Variants in CRCP observed in about 807,000 individuals in gnomAD.
The protein encoded by CRCP is CGRP receptor component.
CRCP carries 18 observed loss-of-function variants against 18.5 expected under a neutral mutation model. The observed-to-expected ratio is 0.97, with a 90% CI of 0.67 to 1.44. The LOEUF is 1.44. CRCP is among the 40% of genes most tolerant of loss of function. The pLI is 0.00. For synonymous variants in CRCP, 53 were observed against 62.9 expected (o/e 0.84, Z 0.75); for missense variants, 130 against 176.4 (o/e 0.74, Z 1.49).
chr7:66,115,792 A>G (rs1327665269), intron 1 of CRCP, among the ~76,000 whole-genome samples: 2 of 152,014 alleles, frequency 1.3e-5, no homozygotes, highest in Non-Finnish European at 1.5e-5. Context: ...ATGGCATTTC[A>G]CATTTTTACA....
intron 5 of CRCP, among the ~76,000 whole-genome samples, chr7:66,149,664 G>T (rs908915): frequency 0.64 from 97,785 of 151,898 alleles, 31,919 homozygotes; most frequent in African/African-American, 0.74. Context: ...TCAACCTAAG[G>T]TTCCCAGTCA....
intron 4 of CRCP, 171 bp downstream of exon 4, chr7:66,134,545 CTT>C (rs56013238): frequency 0.091 from 26,307 of 289,208 alleles, 79 homozygotes; most frequent in East Asian, 0.18. Flanking sequence ...AGGAACAAAT[CTT>C]TTTTTTTTTT....
intron 1 of CRCP, among the ~76,000 whole-genome samples, chr7:66,127,328 T>C (rs1787644552): frequency 6.6e-6 from 1 of 152,212 alleles, no homozygotes; most frequent in African/African-American, 2.4e-5. Context: ...CCTGGGAGCA[T>C]GGCAGATATT....
At chr7:66,116,694 T>G (rs1331772131) in intron 1 of CRCP, among the ~76,000 whole-genome samples, 1 of 152,074 alleles carries the variant, frequency 6.6e-6, no homozygotes, top group African/African-American at 2.4e-5. Context: ...CGTCCCCACA[T>G]ACATGTCCCC....
intron 1 of CRCP, among the ~76,000 whole-genome samples, chr7:66,125,510 C>T (rs976462576): frequency 1.1e-4 from 16 of 149,390 alleles, no homozygotes; most frequent in Admixed American, 1.1e-3. Context: ...TTCTGTCAGC[C>T]AGAGTCTGTT....
At position 66,122,670 on chromosome 7, in the gene CRCP, T is replaced by C. The variant is rs140492718; in HGVS notation, c.9-5034T>C. 4.6e-5 allele frequency among the ~76,000 whole-genome samples: 7 copies of C among 152,260 alleles called. No homozygotes were observed. The East Asian group carries it at 1.4e-3, about 29-fold the overall frequency. Reference sequence around the variant, plus strand: ...TTTTTTTACTCAAGCATTGCTATGTTAATTTGCCAGGCTGCTTTTAGAAAG... The same window carrying C: ...TTTTTTTACTCAAGCATTGCTATGTCAATTTGCCAGGCTGCTTTTAGAAAG... On this transcript the variant is annotated intron_variant, in intron 1 of 5. Transcript: ENST00000395326.
chr7:66,129,792 C>T (rs530825478), intron 2 of CRCP, among the ~76,000 whole-genome samples: 1 of 152,136 alleles, frequency 6.6e-6, no homozygotes, highest in Admixed American at 6.5e-5. Context: ...TGATCTCATG[C>T]CACTATTTCT....
chr7:66,115,085 G>A, intron 1 of CRCP, 115 bp downstream of exon 1: 1 of 1,475,988 alleles, frequency 6.8e-7, no homozygotes, highest in South Asian at 1.3e-5. Context: ...AGTGAGGGCA[G>A]CGGGCCGGCC....
chr7:66,132,752 T>A (rs1787846162), intron 3 of CRCP, among the ~76,000 whole-genome samples: 1 of 151,318 alleles, frequency 6.6e-6, no homozygotes, highest in East Asian at 1.9e-4. Context: ...AAAGAAAAAA[T>A]ACAAAAAATT....
intron 4 of CRCP, among the ~76,000 whole-genome samples, chr7:66,135,341 C>T (rs1193447915): frequency 1.3e-5 from 2 of 152,088 alleles, no homozygotes; most frequent in Non-Finnish European, 1.5e-5. Context: ...TTAAATGTCA[C>T]GAGCTGATCT....
intron 1 of CRCP, chr7:66,120,786 ACG>A (rs1195593552): frequency 9.9e-5 from 15 of 152,068 alleles, no homozygotes; most frequent in Non-Finnish European, 1.6e-4. Flanking sequence ...GAATATACCC[ACG>A]TATGTGGAGA....
At chr7:66,128,911 G>A (rs1286579328) in intron 2 of CRCP, among the ~76,000 whole-genome samples, 2 of 152,076 alleles carry the variant, frequency 1.3e-5, no homozygotes, top group African/African-American at 2.4e-5. Context: ...GGTCTAGAAG[G>A]TAGTAGGTTA....
intron 4 of CRCP, among the ~76,000 whole-genome samples, chr7:66,136,299 C>T (rs1235588015): frequency 2.6e-5 from 4 of 151,736 alleles, no homozygotes; most frequent in Admixed American, 6.6e-5. Flanking sequence ...GGTGCAATCT[C>T]GGCTCACCGC....
chr7:66,147,917 A>G (rs316318), intron 5 of CRCP, among the ~76,000 whole-genome samples: 15,826 of 152,080 alleles, frequency 0.1, 1,003 homozygotes, highest in South Asian at 0.2. Flanking sequence ...AAAATTAGCC[A>G]GGTATGGTGG....
At chr7:66,149,864 TG>T (rs989573000) in intron 5 of CRCP, among the ~76,000 whole-genome samples, 1 of 152,180 alleles carries the variant, frequency 6.6e-6, no homozygotes, top group African/African-American at 2.4e-5. Context: ...TGGAGTGCAG[TG>T]GCACGATCTT....
intron 1 of CRCP, among the ~76,000 whole-genome samples, chr7:66,116,585 C>T (rs1339283541): frequency 1.3e-5 from 2 of 151,868 alleles, no homozygotes; most frequent in African/African-American, 4.8e-5. Context: ...ATATAATTTA[C>T]TCTAGTCCAA....
At chr7:66,123,599 T>C (rs968922829) in intron 1 of CRCP, among the ~76,000 whole-genome samples, 2 of 151,742 alleles carry the variant, frequency 1.3e-5, no homozygotes, top group African/African-American at 4.8e-5. Context: ...AAATACAAAA[T>C]TAGCCAGGTG....
intron 4 of CRCP, among the ~76,000 whole-genome samples, chr7:66,137,700 G>A (rs1296995464): frequency 6.6e-6 from 1 of 152,176 alleles, no homozygotes; most frequent in Non-Finnish European, 1.5e-5. Flanking sequence ...CCTTTTGGCT[G>A]TATCTTTTTG....
At chr7:66,125,366 G>A (rs1038605109) in intron 1 of CRCP, among the ~76,000 whole-genome samples, 4 of 149,294 alleles carry the variant, frequency 2.7e-5, no homozygotes, top group African/African-American at 9.7e-5. Context: ...TTCATAAAAG[G>A]TAGATAAAGT....
Sources: allele counts gnomAD v4.1 joint callset (sites outside exome capture counted in the v4.1 genomes callset), GRCh38; gene constraint gnomAD v4.1.1; transcripts MANE v1.5; gene names NCBI Gene and HGNC (gene_info 2026-07-23, HGNC 2026-07-21).